The following CNTN4 variants were observed in gnomAD, a reference collection of about 807,000 sequenced individuals.
The protein encoded by CNTN4 is contactin-4.
Under a neutral mutation model 122.5 loss-of-function variants are expected in CNTN4, and 77 were observed. The observed-to-expected ratio is 0.63, with a 90% confidence interval of 0.52 to 0.76. The LOEUF (loss-of-function observed/expected upper bound fraction) is 0.76. Ranked by LOEUF, CNTN4 falls within the 30% of genes least tolerant of loss-of-function variation. The probability of loss-of-function intolerance (pLI) is 0.00; values close to 1 mark genes in which losing one functional copy is unlikely to be tolerated. For synonymous variants in CNTN4, 512 were observed against 447.0 expected, an observed-to-expected ratio of 1.15 and a Z score of -1.83; for missense variants, 1,256 against 1,259.1, an observed-to-expected ratio of 1.00 and a Z score of 0.04.
At chr3:2,567,212 T>G (rs528309483) in intron 3 of CNTN4, among the ~76,000 whole-genome samples, 51 of 151,122 alleles carry the variant, frequency 3.4e-4, no homozygotes, top group Non-Finnish European at 5.9e-4. Context: ...TCAGCCTCCC[T>G]AGTAGCTGGG....
intron 6 of CNTN4, among the ~76,000 whole-genome samples, chr3:2,783,963 A>G (rs1440793569): frequency 6.6e-6 from 1 of 152,210 alleles, no homozygotes; most frequent in Non-Finnish European, 1.5e-5. Context: ...AAAGGTCAAT[A>G]TACTCTTTTA....
intron 12 of CNTN4, among the ~76,000 whole-genome samples, chr3:2,913,740 G>C (rs1352744851): frequency 6.6e-6 from 1 of 152,110 alleles, no homozygotes; most frequent in Admixed American, 6.5e-5. Flanking sequence ...TTCAATCATG[G>C]ATAGAACAGT....
intron 19 of CNTN4, chr3:3,039,827 T>C: frequency 3.5e-6 from 2 of 563,550 alleles, no homozygotes; most frequent in Non-Finnish European, 6.5e-6. Flanking sequence ...GGACTGCAGA[T>C]CCTCATTACG....
At chr3:2,607,773 A>G (rs2081322238) in intron 4 of CNTN4, among the ~76,000 whole-genome samples, 1 of 152,170 alleles carries the variant, frequency 6.6e-6, no homozygotes. Flanking sequence ...ATAGATACAT[A>G]TGTTTTTAAC....
chr3:2,961,349 G>A (rs907299206), intron 13 of CNTN4, among the ~76,000 whole-genome samples: 1 of 151,354 alleles, frequency 6.6e-6, no homozygotes, highest in Non-Finnish European at 1.5e-5. Flanking sequence ...GCAATGAAAA[G>A]TCTTGTTATT....
intron 2 of CNTN4, among the ~76,000 whole-genome samples, chr3:2,216,642 G>A (rs1197671601): frequency 6.6e-6 from 1 of 152,102 alleles, no homozygotes; most frequent in East Asian, 1.9e-4. Flanking sequence ...GAAACTAAGG[G>A]TGGTGGATTT....
chr3:2,360,402 A>G (rs1378154035), intron 3 of CNTN4, among the ~76,000 whole-genome samples: 1 of 152,188 alleles, frequency 6.6e-6, no homozygotes, highest in East Asian at 1.9e-4. Flanking sequence ...CTTTCAGTGA[A>G]CTGGAAATAC....
chr3:2,844,257 G>A (rs956615949), intron 7 of CNTN4, among the ~76,000 whole-genome samples: 10 of 151,980 alleles, frequency 6.6e-5, no homozygotes, highest in South Asian at 2.1e-4. Flanking sequence ...GTTCTTAATC[G>A]CATGTAGTAC....
intron 7 of CNTN4, among the ~76,000 whole-genome samples, chr3:2,844,542 G>C (rs552415211): frequency 2.0e-5 from 3 of 152,072 alleles, no homozygotes; most frequent in Admixed American, 6.6e-5. Context: ...TATGGACTGG[G>C]CAATTACCCA....
At chr3:2,546,613 C>A (rs1423125339) in intron 3 of CNTN4, among the ~76,000 whole-genome samples, 1 of 152,016 alleles carries the variant, frequency 6.6e-6, no homozygotes, top group Non-Finnish European at 1.5e-5. Flanking sequence ...ACCTATGTAA[C>A]ATGTTTGTTA....
chr3:2,176,591 A>G (rs1390471316), intron 2 of CNTN4, among the ~76,000 whole-genome samples: 1 of 152,180 alleles, frequency 6.6e-6, no homozygotes, highest in Admixed American at 6.6e-5. Context: ...TGGCCAACAT[A>G]ATGGAGGATG....
chr3:2,773,472 A>G (rs1045490674), intron 6 of CNTN4, among the ~76,000 whole-genome samples: 2 of 152,130 alleles, frequency 1.3e-5, no homozygotes, highest in Non-Finnish European at 2.9e-5. Flanking sequence ...CTTACGGGGT[A>G]CTTTCCATAA....
chr3:2,547,068 G>C (rs146704927), intron 3 of CNTN4, among the ~76,000 whole-genome samples: 13 of 152,022 alleles, frequency 8.6e-5, no homozygotes, highest in Middle Eastern at 3.4e-3. Flanking sequence ...ATTCGATGTA[G>C]GTGATAAAAA....
At chr3:2,893,679 T>C (rs1020989871) in intron 10 of CNTN4, among the ~76,000 whole-genome samples, 1 of 152,124 alleles carries the variant, frequency 6.6e-6, no homozygotes, top group African/African-American at 2.4e-5. Flanking sequence ...AAAAGAGTCA[T>C]ATCAAGGACA....
At chr3:2,386,689 A>G (rs2046268859) in intron 3 of CNTN4, among the ~76,000 whole-genome samples, 1 of 152,206 alleles carries the variant, frequency 6.6e-6, no homozygotes. Context: ...AGTGATGGCT[A>G]AGGGCACATT....
At chr3:2,607,799 T>G (rs772455862) in intron 4 of CNTN4, among the ~76,000 whole-genome samples, 15 of 152,296 alleles carry the variant, frequency 9.8e-5, no homozygotes, top group Admixed American at 2.6e-4. Context: ...TGTACAATGT[T>G]CTTACCTATT....
In CNTN4 at chr3:2,400,432, T is replaced by TATATAC. The variant is rs1553640944; in HGVS notation, c.-89+61204_-89+61205insCATATA. Among the ~76,000 whole-genome samples the TATATAC allele has an allele frequency of 6.8e-5, 7 of 103,186 alleles. No homozygotes were observed. In the South Asian group the frequency reaches 1.4e-3, roughly 20 times the overall value. 67.7% of individuals were successfully genotyped at this position (103,186 alleles called of 152,430 possible). On this transcript the variant is annotated intron_variant, in intron 3 of 24. Coordinates refer to ENST00000418658, the MANE Select transcript of CNTN4 (RefSeq NM_175607.3). ...ATATATATATATATATATATACATA[T>TATATAC]ATATATATATATATATATCTCTTTT... is the stretch of plus-strand genomic sequence containing the variant.
At chr3:2,110,224 C>T (rs1481052363) in intron 2 of CNTN4, among the ~76,000 whole-genome samples, 1 of 152,204 alleles carries the variant, frequency 6.6e-6, no homozygotes, top group East Asian at 1.9e-4. Context: ...ATCTCAAACA[C>T]ATTCTTACTT....
intron 12 of CNTN4, among the ~76,000 whole-genome samples, chr3:2,917,992 A>G (rs1226664419): frequency 4.6e-5 from 7 of 152,132 alleles, no homozygotes; most frequent in Admixed American, 3.3e-4. Context: ...TGGTTCTTCT[A>G]GACTCCTAAA....
Sources: allele counts gnomAD v4.1 joint callset (sites outside exome capture counted in the v4.1 genomes callset), GRCh38; gene constraint gnomAD v4.1.1; transcripts MANE v1.5; gene names NCBI Gene and HGNC (gene_info 2026-07-23, HGNC 2026-07-21).